The following SLIT3 variants were observed in gnomAD, a reference collection of about 807,000 sequenced individuals.
SLIT3 encodes slit homolog 3 protein.
In SLIT3, 68 loss-of-function variants were observed where a neutral mutation model predicts 184.0. That is an observed-to-expected ratio of 0.37 (90% CI 0.30 to 0.45). The LOEUF (loss-of-function observed/expected upper bound fraction) is 0.45, where lower values mean the gene tolerates loss of function less well. Ranked by LOEUF, SLIT3 falls within the 20% of genes least tolerant of loss-of-function variation. SLIT3 has a pLI of 1.00. For synonymous variants in SLIT3, 831 were observed against 828.6 expected (o/e 1.00, Z -0.05); for missense variants, 1,707 against 2,026.0 (o/e 0.84, Z 3.02).
intron 28 of SLIT3, among the ~76,000 whole-genome samples, chr5:168,694,168 C>T (rs944189648): frequency 5.9e-5 from 9 of 152,256 alleles, no homozygotes; most frequent in African/African-American, 1.2e-4. Context: ...GCCTCAACTG[C>T]GGCAGGAAAC....
chr5:168,957,078 A>C (rs1299768024), intron 4 of SLIT3, among the ~76,000 whole-genome samples: 3 of 151,634 alleles, frequency 2.0e-5, no homozygotes, highest in Non-Finnish European at 4.4e-5. Flanking sequence ...AAAATACAAA[A>C]ATTAGCTGGG....
chr5:169,162,432 T>A (rs1762510199), intron 4 of SLIT3, among the ~76,000 whole-genome samples: 1 of 152,150 alleles, frequency 6.6e-6, no homozygotes, highest in Non-Finnish European at 1.5e-5. Context: ...CAGCACAAAG[T>A]GAACATGAGC....
intron 5 of SLIT3, among the ~76,000 whole-genome samples, chr5:168,852,568 C>G (rs1318294935): frequency 6.6e-6 from 1 of 152,248 alleles, no homozygotes; most frequent in East Asian, 1.9e-4. Context: ...TGCTCCCTGA[C>G]AGTGCACTGA....
intron 4 of SLIT3, among the ~76,000 whole-genome samples, chr5:168,956,904 C>T (rs1279761033): frequency 1.3e-5 from 2 of 151,576 alleles, no homozygotes; most frequent in East Asian, 3.9e-4. Context: ...ATTCTCTTCA[C>T]CTCAAGGCAT....
chr5:169,238,061 G>A (rs1005764757), intron 3 of SLIT3, among the ~76,000 whole-genome samples: 5 of 152,084 alleles, frequency 3.3e-5, no homozygotes, highest in South Asian at 4.1e-4. Flanking sequence ...ATTCTGTCCC[G>A]TTGATGTGTG....
At chr5:168,843,159 C>A (rs1758327664) in intron 6 of SLIT3, among the ~76,000 whole-genome samples, 1 of 152,132 alleles carries the variant, frequency 6.6e-6, no homozygotes, top group South Asian at 2.1e-4. Flanking sequence ...CGGCTTTCAT[C>A]CGATTTCAAG....
rs910770157 is a variant in SLIT3 at position 168,806,647 on chromosome 5, G to C, written c.794-60C>G. On this transcript the variant is annotated intron_variant, in intron 8 of 35. Transcript: ENST00000519560. Reference sequence around the variant, plus strand: ...AGTGTCAGGAGCTGCCTGGGCTTCTGTGTCCTTAACCAGCATCCTAAGGGC... The same window carrying C: ...AGTGTCAGGAGCTGCCTGGGCTTCTCTGTCCTTAACCAGCATCCTAAGGGC... 14 of 1,601,004 alleles carry C rather than the reference G, an allele frequency of 8.7e-6. No individual in the cohort carries two copies. The South Asian group carries it at 1.3e-4, about 15-fold the overall frequency.
In SLIT3 at chr5:168,753,897, C is replaced by T. The variant is rs201714671; in HGVS notation, c.1796G>A (p.Arg599His). 5.8e-5 allele frequency: 94 copies of T among 1,611,766 alleles called. No individual in the cohort carries two copies. Among genetic ancestry groups the T allele is most frequent in the African/African-American group, 4.8e-4 (36 of 75,034 alleles). The change falls in exon 17 of 36, where the codon CGC becomes CAC. Residue 599 changes from arginine (R) to histidine (H), a missense_variant. This residue lies in a region of SLIT3 where 1,307 missense variants were observed against 1,511.6 expected (regional missense o/e 0.86). Coordinates refer to ENST00000519560, the MANE Select transcript of SLIT3 (RefSeq NM_003062.4). ...GAGGCCACTGAGGCCACGGAACACG[C>T]GCCCGTGCACGGTCTCCAGCTGGTT... Reference protein sequence around the residue: ...TGNQLETVHGRVFRGLSGLKT... With the variant: ...TGNQLETVHGHVFRGLSGLKT...
intron 32 of SLIT3, among the ~76,000 whole-genome samples, chr5:168,680,150 C>G (rs573782806): frequency 6.6e-6 from 1 of 152,370 alleles, no homozygotes; most frequent in African/African-American, 2.4e-5. Flanking sequence ...GCTACTGTAG[C>G]CCCCACCACT....
At chr5:169,042,285 C>T (rs1007203074) in intron 4 of SLIT3, among the ~76,000 whole-genome samples, 2 of 152,156 alleles carry the variant, frequency 1.3e-5, no homozygotes, top group African/African-American at 4.8e-5. Flanking sequence ...GAAAGGTAGC[C>T]TGGAGTTCCA....
intron 19 of SLIT3, 115 bp downstream of exon 19, chr5:168,749,357 G>C: frequency 2.4e-6 from 3 of 1,224,612 alleles, no homozygotes; most frequent in South Asian, 1.4e-5. Context: ...AGCTCCAGCT[G>C]CATGCCCAAA....
chr5:169,113,390 G>C (rs1760486592), intron 4 of SLIT3, among the ~76,000 whole-genome samples: 1 of 152,204 alleles, frequency 6.6e-6, no homozygotes, highest in South Asian at 2.1e-4. Context: ...GTTGTTGCCT[G>C]TGTCCGAATT....
chr5:168,749,730 G>T, intron 18 of SLIT3, 95 bp from the exon 19 acceptor site: 6 of 1,375,004 alleles, frequency 4.4e-6, no homozygotes. Flanking sequence ...AGCCAGGAAG[G>T]AGGAGGTCTC....
At chr5:169,058,945 AC>A (rs1758093376) in intron 4 of SLIT3, among the ~76,000 whole-genome samples, 1 of 152,172 alleles carries the variant, frequency 6.6e-6, no homozygotes, top group Non-Finnish European at 1.5e-5. Context: ...CATGTTGGGC[AC>A]CTTTGCACAA....
At chr5:169,252,097 A>G (rs1053858311) in intron 1 of SLIT3, among the ~76,000 whole-genome samples, 7 of 152,318 alleles carry the variant, frequency 4.6e-5, no homozygotes, top group Admixed American at 4.6e-4. Context: ...ATTTTCTATC[A>G]CTTGAAATCA....
chr5:169,224,769 C>T (rs986559246), intron 3 of SLIT3, among the ~76,000 whole-genome samples: 1 of 152,182 alleles, frequency 6.6e-6, no homozygotes, highest in African/African-American at 2.4e-5. Flanking sequence ...TCACTGCAGC[C>T]TCTGCCTCCA....
intron 3 of SLIT3, among the ~76,000 whole-genome samples, chr5:169,230,840 CT>C (rs138201872): frequency 4.0e-5 from 6 of 151,550 alleles, no homozygotes; most frequent in African/African-American, 9.7e-5. Context: ...CAAAATAAAA[CT>C]TTTTTTTTAA....
At chr5:168,772,171 G>T (rs1282029364) in intron 14 of SLIT3, 2 of 152,292 alleles carry the variant, frequency 1.3e-5, no homozygotes, top group Non-Finnish European at 2.9e-5. Flanking sequence ...GGGCACAGAA[G>T]AACGAGGCTT....
chr5:168,679,662 C>T (rs1761521667), intron 32 of SLIT3, among the ~76,000 whole-genome samples: 1 of 152,102 alleles, frequency 6.6e-6, no homozygotes, highest in South Asian at 2.1e-4. Context: ...CTCGCAGTAA[C>T]AAAAAGTTCC....
Sources: gnomAD v4.1 joint callset for allele counts (sites outside exome capture counted in the v4.1 genomes callset) on GRCh38, gnomAD v4.1.1 for gene constraint, gnomAD v4.1.1 regional missense constraint, MANE v1.5 for transcripts, NCBI Gene and HGNC (gene_info 2026-07-23, HGNC 2026-07-21) for gene names.